Variants in AAMDC observed in about 807,000 individuals in gnomAD.
The protein encoded by AAMDC is adipogenesis associated Mth938 domain containing, also known as mth938 domain-containing protein.
Under a neutral mutation model 15.5 loss-of-function variants are expected in AAMDC, and 16 were observed. The observed-to-expected ratio is 1.03, with a 90% CI of 0.70 to 1.57. AAMDC has a LOEUF of 1.57. AAMDC is among the 40% of genes most tolerant of loss of function. The probability of loss-of-function intolerance (pLI) is 0.00; values close to 1 mark genes in which losing one functional copy is unlikely to be tolerated. For missense variants in AAMDC, 141 were observed against 144.9 expected, an observed-to-expected ratio of 0.97 and a Z score of 0.14; for synonymous variants, 51 against 51.6, an observed-to-expected ratio of 0.99 and a Z score of 0.05.
intron 5 of AAMDC, among the ~76,000 whole-genome samples, chr11:77,899,061 T>G (rs539742435): frequency 1.3e-5 from 2 of 152,138 alleles, no homozygotes. Flanking sequence ...TTGCATATAA[T>G]AATTCAATAA....
intron 5 of AAMDC, among the ~76,000 whole-genome samples, chr11:77,896,465 A>G (rs1952522928): frequency 6.6e-6 from 1 of 152,082 alleles, no homozygotes; most frequent in African/African-American, 2.4e-5. Context: ...CAGCCTGACC[A>G]AACATGGAGA....
intron 5 of AAMDC, among the ~76,000 whole-genome samples, chr11:77,882,710 G>A (rs540723347): frequency 2.9e-4 from 44 of 152,166 alleles, no homozygotes; most frequent in Non-Finnish European, 5.0e-4. Flanking sequence ...AACCCCAAAG[G>A]GGCTGCCCTA....
At chr11:77,863,283 G>T (rs1950961836) in intron 2 of AAMDC, among the ~76,000 whole-genome samples, 1 of 152,196 alleles carries the variant, frequency 6.6e-6, no homozygotes, top group Non-Finnish European at 1.5e-5. Context: ...GCGCTCAGGA[G>T]CACAGCAGAC....
intron 2 of AAMDC, among the ~76,000 whole-genome samples, chr11:77,861,827 C>T (rs149383565): frequency 1.6e-3 from 251 of 152,200 alleles, no homozygotes; most frequent in African/African-American, 5.8e-3. Context: ...CTGCCTGCTC[C>T]TCCTGATCTC....
At chr11:77,860,379 A>T (rs1950825267) in intron 2 of AAMDC, among the ~76,000 whole-genome samples, 1 of 152,236 alleles carries the variant, frequency 6.6e-6, no homozygotes, top group Non-Finnish European at 1.5e-5. Flanking sequence ...TGGGATGAGG[A>T]TAAGCCAGTG....
chr11:77,865,292 CAT>C (rs1951061230), intron 2 of AAMDC, among the ~76,000 whole-genome samples: 1 of 152,212 alleles, frequency 6.6e-6, no homozygotes, highest in Non-Finnish European at 1.5e-5. Flanking sequence ...GTCTTTCTCT[CAT>C]AAATTATTGT....
At chr11:77,855,720 C>T (rs866196436) in intron 2 of AAMDC, among the ~76,000 whole-genome samples, 9 of 127,934 alleles carry the variant, frequency 7.0e-5, no homozygotes, top group Non-Finnish European at 9.5e-5. Context: ...AGTTTTATGT[C>T]TTTTTTTTTT....
intron 2 of AAMDC, chr11:77,868,982 C>T: frequency 3.4e-6 from 1 of 297,374 alleles, no homozygotes. Flanking sequence ...ATGCCAACAG[C>T]ACGTTGGGTA....
At chr11:77,878,704 C>T (rs766614133) in intron 5 of AAMDC, 11 of 693,150 alleles carry the variant, frequency 1.6e-5, no homozygotes, top group East Asian at 2.7e-5. Context: ...CTTTACAGAC[C>T]AGGAACTAGA....
downstream of AAMDC, among the ~76,000 whole-genome samples, chr11:77,876,365 G>T (rs1466894503): frequency 1.3e-5 from 2 of 151,524 alleles, no homozygotes; most frequent in African/African-American, 4.9e-5. Context: ...ACACTGGAGT[G>T]CTCTTTATGC....
intron 1 of AAMDC, among the ~76,000 whole-genome samples, chr11:77,832,947 ATATATGTGTGTGTG>A (rs1565197338): frequency 3.6e-5 from 3 of 83,698 alleles, no homozygotes; most frequent in Admixed American, 1.2e-4. Context: ...TATTGTATAT[ATATATGTGTGTGTG>A]TGTGTGTGTG....
intron 1 of AAMDC, 57 bp from the exon 2 acceptor site, chr11:77,842,422 C>A: frequency 1.3e-6 from 2 of 1,514,596 alleles, no homozygotes; most frequent in South Asian, 2.4e-5. Context: ...ACTGTATTTT[C>A]AAACTGTTTC....
chr11:77,901,477 G>T (rs1952775651), downstream of AAMDC: 2 of 1,613,786 alleles, frequency 1.2e-6, no homozygotes, highest in African/African-American at 2.7e-5. Context: ...GCAGCCTCAT[G>T]TGATGTATAA....
chr11:77,827,101 C>T (rs895655034), intron 1 of AAMDC, among the ~76,000 whole-genome samples: 6 of 120,700 alleles, frequency 5.0e-5, no homozygotes, highest in African/African-American at 7.1e-5. Flanking sequence ...CGAAACTCGT[C>T]TCAAAAAAAA....
intron 5 of AAMDC, among the ~76,000 whole-genome samples, chr11:77,883,335 C>A (rs544723101): frequency 6.6e-6 from 1 of 152,272 alleles, no homozygotes; most frequent in South Asian, 2.1e-4. Context: ...GAAATGTAAT[C>A]TCCTTTGTAC....
At chr11:77,859,726 G>C (rs1590962417) in intron 2 of AAMDC, among the ~76,000 whole-genome samples, 1 of 152,276 alleles carries the variant, frequency 6.6e-6, no homozygotes, top group East Asian at 1.9e-4. Context: ...CCCCTAAAAG[G>C]TCCCCTCAAG....
At chr11:77,891,589 C>T (rs1253799354) in intron 5 of AAMDC, 6 of 1,571,738 alleles carry the variant, frequency 3.8e-6, no homozygotes, top group Non-Finnish European at 1.7e-6. Flanking sequence ...ACAGCCTAGC[C>T]CAGCTGCTCC....
At chr11:77,838,047 T>C (rs1949765039) in intron 1 of AAMDC, among the ~76,000 whole-genome samples, 1 of 152,190 alleles carries the variant, frequency 6.6e-6, no homozygotes, top group Non-Finnish European at 1.5e-5. Flanking sequence ...CACTCCAGAC[T>C]GGATGAAAGA....
At chr11:77,842,682 A>G in intron 2 of AAMDC, 54 bp downstream of exon 2, 1 of 1,598,054 alleles carries the variant, frequency 6.3e-7, no homozygotes, top group Non-Finnish European at 8.5e-7. Flanking sequence ...GTGATTTCCA[A>G]CTTCCTAAGC....
Sources: gnomAD v4.1 joint callset for allele counts (sites outside exome capture counted in the v4.1 genomes callset) on GRCh38, gnomAD v4.1.1 for gene constraint, MANE v1.5 for transcripts, NCBI Gene and HGNC (gene_info 2026-07-23, HGNC 2026-07-21) for gene names.